The following ARHGAP39 variants were observed in gnomAD, a reference collection of about 807,000 sequenced individuals.
ARHGAP39 encodes the protein rho GTPase-activating protein 39.
A neutral mutation model predicts 106.9 loss-of-function variants in ARHGAP39; 44 were observed. The observed-to-expected ratio is 0.41, with a 90% confidence interval of 0.32 to 0.53. The LOEUF (loss-of-function observed/expected upper bound fraction) is 0.53. Ranked by LOEUF, ARHGAP39 falls within the 20% of genes least tolerant of loss-of-function variation. ARHGAP39 has a pLI of 0.21. For synonymous variants in ARHGAP39, 768 were observed against 693.2 expected (o/e 1.11, Z -1.69); for missense variants, 1,496 against 1,577.3 (o/e 0.95, Z 0.87).
Position 144,547,625 on chromosome 8 carries a change from G to A in ARHGAP39, c.1461C>T (p.Tyr487=), listed in dbSNP as rs1817500412. 4 of 1,509,050 alleles carry A rather than the reference G, an allele frequency of 2.7e-6. No homozygotes were observed. The highest frequency in any genetic ancestry group is 2.4e-5 in the East Asian group (1 of 41,898). 93.5% of individuals were successfully genotyped at this position (1,509,050 alleles called of 1,614,324 possible). ...TCTTCCGCTTGCGCGTGCCCGGGGA[G>A]TAGCCTGTGGAGGACAGGGTGTCCT... ...SQQDTLSSTG[Y]SPGTRKRKSR... is the part of the protein sequence containing the mutation. The change falls in exon 5 of 12, where the codon TAC becomes TAT. Residue 487 remains tyrosine (Y), a synonymous_variant. Transcript: ENST00000377307. The surrounding 1 kb of genome is among the most constrained non-coding windows in gnomAD (Gnocchi z 5.2).
intron 3 of ARHGAP39, among the ~76,000 whole-genome samples, chr8:144,561,437 GTCCATCACACTCCAGTGGTT>G (rs1209943250): frequency 0.074 from 9,098 of 122,768 alleles, 577 homozygotes; most frequent in African/African-American, 0.1. Flanking sequence ...CTCCAGTGGT[GTCCATCACACTCCAGTGGTT>G]TCCATCACAC....
In ARHGAP39 at chr8:144,557,314, C is replaced by T. The variant is rs550141350; in HGVS notation, c.513-1671G>A. 1.2e-4 allele frequency among the ~76,000 whole-genome samples: 18 copies of T among 145,138 alleles called. 1 individual carries two copies. The highest frequency in any genetic ancestry group is 4.7e-4 in the African/African-American group (17 of 35,996). ...AGTATTCAGCGGCAAAAGGCTGAACCTTCGTAGTATTCAGAGGCAAAGGCT... is the reference window on the plus strand; with the variant it reads ...AGTATTCAGCGGCAAAAGGCTGAACTTTCGTAGTATTCAGAGGCAAAGGCT... On this transcript the variant is annotated intron_variant, in intron 3 of 11. Coordinates refer to ENST00000377307, the MANE Select transcript of ARHGAP39 (RefSeq NM_025251.3).
chr8:144,572,113 T>C (rs966161504), intron 3 of ARHGAP39, among the ~76,000 whole-genome samples: 2 of 152,270 alleles, frequency 1.3e-5, no homozygotes, highest in African/African-American at 4.8e-5. Context: ...CTTCACAGAA[T>C]TGGAAAAAAT....
intron 1 of ARHGAP39, among the ~76,000 whole-genome samples, chr8:144,675,325 C>T (rs1408305763): frequency 2.0e-5 from 3 of 152,214 alleles, no homozygotes; most frequent in Admixed American, 1.3e-4. Context: ...CTCTGCCTCC[C>T]GGTACGCCAC....
At chr8:144,536,584 G>A (rs1359792364) in intron 7 of ARHGAP39, among the ~76,000 whole-genome samples, 1 of 152,204 alleles carries the variant, frequency 6.6e-6, no homozygotes, top group Non-Finnish European at 1.5e-5. Flanking sequence ...GGACGTCTGT[G>A]GCCAGGAATC....
At chr8:144,636,127 C>T (rs919254475) in intron 1 of ARHGAP39, among the ~76,000 whole-genome samples, 2 of 151,880 alleles carry the variant, frequency 1.3e-5, no homozygotes, top group African/African-American at 4.8e-5. Flanking sequence ...GAATCTCCTG[C>T]CAGGTAAGAC....
intron 7 of ARHGAP39, among the ~76,000 whole-genome samples, chr8:144,536,906 G>A (rs1310677457): frequency 1.3e-5 from 2 of 152,248 alleles, no homozygotes; most frequent in Admixed American, 6.5e-5. Context: ...GGAGGAAGAG[G>A]TGCCTAAGCC....
chr8:144,535,330 T>G (rs1816911207), intron 7 of ARHGAP39, among the ~76,000 whole-genome samples: 1 of 152,226 alleles, frequency 6.6e-6, no homozygotes, highest in Non-Finnish European at 1.5e-5. Flanking sequence ...ATGAATTTTT[T>G]TTTTCATAGA....
rs1216316456 is a variant in ARHGAP39 at position 144,581,092 on chromosome 8, C to T, written c.266G>A (p.Arg89His). 2 of 1,590,474 alleles carry T rather than the reference C, an allele frequency of 1.3e-6. No homozygotes were observed. The highest frequency in any genetic ancestry group is 1.7e-6 in the Non-Finnish European group (2 of 1,169,374). ...GCCCTGCGGCCGGTGCCACACCGTGCGCTGCGTGCTGGCATTGTAGTAGTA... is the reference window on the plus strand; with the variant it reads ...GCCCTGCGGCCGGTGCCACACCGTGTGCTGCGTGCTGGCATTGTAGTAGTA... Reference protein sequence around the residue: ...RFYYYNASTQRTVWHRPQGCD... With the variant: ...RFYYYNASTQHTVWHRPQGCD... The change falls in exon 3 of 12, where the codon CGC (arginine) becomes CAC (histidine). Residue 89 changes from arginine to histidine, a missense_variant. This residue lies in a region of ARHGAP39 where 25 missense variants were observed against 48.0 expected (regional missense o/e 0.52). Coordinates refer to ENST00000377307, the MANE Select transcript of ARHGAP39 (RefSeq NM_025251.3).
At chr8:144,534,783 A>G (rs933508005) in intron 7 of ARHGAP39, among the ~76,000 whole-genome samples, 11 of 152,134 alleles carry the variant, frequency 7.2e-5, no homozygotes, top group Admixed American at 5.2e-4. Flanking sequence ...CTCCTTTCTC[A>G]AAGGAGGGGC....
intron 1 of ARHGAP39, among the ~76,000 whole-genome samples, chr8:144,632,638 C>T: frequency 6.6e-6 from 1 of 152,186 alleles, no homozygotes; most frequent in Non-Finnish European, 1.5e-5. Flanking sequence ...AGCAGGATTG[C>T]CACCAACTGG....
intron 6 of ARHGAP39, among the ~76,000 whole-genome samples, chr8:144,541,677 C>T (rs115223887): frequency 0.023 from 3,541 of 152,284 alleles, 120 homozygotes; most frequent in African/African-American, 0.081. Flanking sequence ...CATCCATGCG[C>T]GTCTATCAAC....
chr8:144,605,978 CG>C (rs755156899), intron 1 of ARHGAP39, among the ~76,000 whole-genome samples: 12 of 152,224 alleles, frequency 7.9e-5, no homozygotes, highest in Non-Finnish European at 1.8e-4. Context: ...CACGATGGGC[CG>C]GGGCAGGCAC....
Position 144,580,859 on chromosome 8 carries a change from CCTT to C in ARHGAP39, c.496_498del (p.Lys166del). 6.4e-7 allele frequency: 1 copy of C among 1,567,208 alleles called. No individual in the cohort carries two copies. The highest frequency in any genetic ancestry group is 8.6e-7 in the Non-Finnish European group (1 of 1,163,628). ...CCCCGCCCTCACCTGCCGCTGTCCT[CCTT>C]CACTGTCCCAAACGCCGCGGGCCGC... On this transcript the variant is annotated inframe_deletion, in exon 3 of 12. Transcript: ENST00000377307.
intron 3 of ARHGAP39, among the ~76,000 whole-genome samples, chr8:144,565,072 T>C (rs1818344409): frequency 6.6e-6 from 1 of 151,490 alleles, no homozygotes; most frequent in African/African-American, 2.4e-5. Context: ...ATTGCGCCAT[T>C]GCACTCCAGC....
At chr8:144,603,351 G>A (rs1820152742) in intron 2 of ARHGAP39, among the ~76,000 whole-genome samples, 1 of 152,030 alleles carries the variant, frequency 6.6e-6, no homozygotes, top group Non-Finnish European at 1.5e-5. Context: ...ATGTGTGCAC[G>A]CTCGTGAACC....
rs958877471 is a variant in ARHGAP39 at position 144,545,662 on chromosome 8, T to C, written c.2108A>G (p.Asn703Ser). The C allele has an allele frequency of 1.1e-5, 18 of 1,613,426 alleles. No individual in the cohort carries two copies. Among genetic ancestry groups the C allele is most frequent in the Non-Finnish European group, 1.4e-5 (17 of 1,180,014 alleles). ...CCGGAAGAGGCCCTGCGTGTGCTTGTTGAAGTGCTTGGAGGCCCAGTTCTC... is the reference window on the plus strand; with the variant it reads ...CCGGAAGAGGCCCTGCGTGTGCTTGCTGAAGTGCTTGGAGGCCCAGTTCTC... ...DIENWASKHF[N>S]KHTQGLFRRK... Residue 703 changes from asparagine (N) to serine (S), a missense_variant, in exon 6 of 12, where the codon AAC becomes AGC. By Grantham distance (46) the Asn-to-Ser change is conservative. This residue lies in a region of ARHGAP39 where 470 missense variants were observed against 605.1 expected (regional missense o/e 0.78). Transcript: ENST00000377307.
At position 144,650,940 on chromosome 8, in the gene ARHGAP39, G is replaced by T. The variant is rs1821558258; in HGVS notation, c.-82+34746C>A. Among the ~76,000 whole-genome samples, 3 of 152,160 alleles carry T rather than the reference G, an allele frequency of 2.0e-5. No individual in the cohort carries two copies. In the South Asian group the frequency reaches 6.2e-4, roughly 31 times the overall value. On this transcript the variant is annotated intron_variant, in intron 1 of 11. Coordinates refer to ENST00000377307, the MANE Select transcript of ARHGAP39 (RefSeq NM_025251.3). ...AGGAAATAAAGGGCATCCAAATAGGGAGAGAGGAGGTCAAACTATCCCTGT... is the reference window on the plus strand; with the variant it reads ...AGGAAATAAAGGGCATCCAAATAGGTAGAGAGGAGGTCAAACTATCCCTGT...
chr8:144,555,776 G>A (rs577447069), intron 3 of ARHGAP39, 133 bp from the exon 4 acceptor site: 19 of 759,974 alleles, frequency 2.5e-5, no homozygotes, highest in African/African-American at 2.2e-4. Flanking sequence ...CCCCCAGGCT[G>A]TATTCTTCAT....
Sources: allele counts gnomAD v4.1 joint callset (sites outside exome capture counted in the v4.1 genomes callset), GRCh38; gene constraint gnomAD v4.1.1; regional missense constraint gnomAD v4.1.1; non-coding constraint Gnocchi (gnomAD v3.1); transcripts MANE v1.5; gene names NCBI Gene and HGNC (gene_info 2026-07-23, HGNC 2026-07-21).